Variants in VPS26A observed in about 807,000 individuals in gnomAD.
VPS26A encodes the protein VPS26 retromer complex component A, also known as vacuolar protein sorting-associated protein 26A.
Under a neutral mutation model 42.4 loss-of-function variants are expected in VPS26A, and 22 were observed. That is an observed-to-expected ratio of 0.52 (90% CI 0.37 to 0.74). VPS26A has a LOEUF of 0.74. Ranked by LOEUF, VPS26A falls within the 30% of genes least tolerant of loss-of-function variation. VPS26A has a pLI of 0.00. For synonymous variants in VPS26A, 110 were observed against 123.5 expected (o/e 0.89, Z 0.73); for missense variants, 276 against 379.2 (o/e 0.73, Z 2.26).
intron 6 of VPS26A, among the ~76,000 whole-genome samples, chr10:69,165,332 A>G (rs1252175977): frequency 1.3e-5 from 2 of 152,102 alleles, no homozygotes; most frequent in South Asian, 2.1e-4. Flanking sequence ...TATTATTATT[A>G]TTTTATTTTT....
intron 2 of VPS26A, among the ~76,000 whole-genome samples, chr10:69,138,321 GA>G (rs1164534099): frequency 4.6e-5 from 7 of 152,274 alleles, no homozygotes; most frequent in African/African-American, 1.7e-4. Context: ...GACTAATGCT[GA>G]TGTGAACATT....
At chr10:69,139,254 T>C (rs1416043156) in intron 2 of VPS26A, among the ~76,000 whole-genome samples, 1 of 152,168 alleles carries the variant, frequency 6.6e-6, no homozygotes, top group African/African-American at 2.4e-5. Flanking sequence ...AAAGTTAGTT[T>C]TTCTGAATAA....
intron 1 of VPS26A, 127 bp downstream of exon 1, chr10:69,124,407 G>T: frequency 2.9e-6 from 3 of 1,045,914 alleles, no homozygotes; most frequent in Non-Finnish European, 3.7e-6. Flanking sequence ...GCGGGGTTAG[G>T]CCTGTCGGGC....
At chr10:69,136,811 A>G (rs12259735) in intron 2 of VPS26A, among the ~76,000 whole-genome samples, 8,729 of 143,150 alleles carry the variant, frequency 0.061, 291 homozygotes, top group South Asian at 0.13. Flanking sequence ...ATTTATTTTG[A>G]GATGGAGTCT....
In VPS26A at chr10:69,171,658, AC is replaced by A. The variant is rs1440502639; in HGVS notation, c.*391del. 6.3e-6 allele frequency: 1 copy of A among 157,874 alleles called. No homozygotes were observed. The highest frequency in any genetic ancestry group is 2.4e-5 in the African/African-American group (1 of 41,486). The allele number at this position is 157,874 out of a possible 1,614,324, so 9.8% of individuals were successfully genotyped here. On this transcript the variant is annotated 3_prime_UTR_variant, in exon 9 of 9. Coordinates refer to ENST00000263559, the MANE Select transcript of VPS26A (RefSeq NM_004896.5). The stretch of plus-strand genomic sequence containing the variant: ...ATCCTCTCTTTTCAGGCTAATGATT[AC>A]CTCTTATTCTCTACATGCAAAAAAT...
chr10:69,164,932 GTTT>G (rs71487441), intron 6 of VPS26A, among the ~76,000 whole-genome samples: 1 of 141,372 alleles, frequency 7.1e-6, no homozygotes. Context: ...ATTGTTGGGT[GTTT>G]TTTTTTTTTT....
chr10:69,128,610 A>G (rs907411123), intron 1 of VPS26A, among the ~76,000 whole-genome samples: 4 of 152,094 alleles, frequency 2.6e-5, no homozygotes, highest in Non-Finnish European at 5.9e-5. Flanking sequence ...AAAAGTTATA[A>G]TATTTCCTTT....
intron 2 of VPS26A, among the ~76,000 whole-genome samples, chr10:69,154,531 C>T (rs996322757): frequency 4.6e-5 from 7 of 151,226 alleles, no homozygotes; most frequent in African/African-American, 1.5e-4. Flanking sequence ...AGCGAAACTC[C>T]GTCTAAAACA....
chr10:69,145,497 A>G (rs951073391), intron 2 of VPS26A, among the ~76,000 whole-genome samples: 1 of 152,158 alleles, frequency 6.6e-6, no homozygotes, highest in Non-Finnish European at 1.5e-5. Context: ...TTTCCACTGC[A>G]CTGTCATACC....
At chr10:69,135,324 T>A (rs982813131) in intron 2 of VPS26A, among the ~76,000 whole-genome samples, 1 of 152,230 alleles carries the variant, frequency 6.6e-6, no homozygotes, top group Non-Finnish European at 1.5e-5. Context: ...TTTAAAGTAA[T>A]CTTATGTCAC....
At chr10:69,133,128 T>G in intron 2 of VPS26A, 81 bp downstream of exon 2, 3 of 1,408,494 alleles carry the variant, frequency 2.1e-6, no homozygotes, top group Non-Finnish European at 2.9e-6. Flanking sequence ...GTTTCTTAAA[T>G]TTGAATAATT....
In VPS26A at chr10:69,158,033, T is replaced by C; in HGVS notation, c.387-14T>C. On this transcript the variant is annotated splice_polypyrimidine_tract_variant and intron_variant, in intron 4 of 8. Coordinates refer to ENST00000263559, the MANE Select transcript of VPS26A (RefSeq NM_004896.5). ...CAGGTGATTTAACTCATCGACTCTC[T>C]TTTAACTTTGTAGGTATTTTCTTAA... The C allele has an allele frequency of 6.3e-7, 1 of 1,585,348 alleles. No individual in the cohort carries two copies. Among genetic ancestry groups the C allele is most frequent in the African/African-American group, 1.4e-5 (1 of 73,470 alleles).
chr10:69,124,610 A>G (rs1317844925), intron 1 of VPS26A, among the ~76,000 whole-genome samples: 1 of 152,012 alleles, frequency 6.6e-6, no homozygotes, highest in Non-Finnish European at 1.5e-5. Context: ...TCCCCTTCCT[A>G]GGTAGCCAGT....
intron 4 of VPS26A, 48 bp from the exon 5 acceptor site, chr10:69,157,999 A>G: frequency 6.7e-7 from 1 of 1,481,496 alleles, no homozygotes; most frequent in African/African-American, 1.4e-5. Flanking sequence ...AAAACATGAA[A>G]ATTTATCACA....
At chr10:69,149,858 A>G (rs920469452) in intron 2 of VPS26A, among the ~76,000 whole-genome samples, 17 of 143,078 alleles carry the variant, frequency 1.2e-4, no homozygotes, top group African/African-American at 4.3e-4. Flanking sequence ...GTGATTCTCT[A>G]GCCTCAGCTT....
intron 7 of VPS26A, among the ~76,000 whole-genome samples, chr10:69,166,862 C>T (rs955404857): frequency 2.0e-5 from 3 of 152,172 alleles, no homozygotes; most frequent in South Asian, 2.1e-4. Flanking sequence ...TGTGGTGGCT[C>T]ATGCCTGTAA....
At chr10:69,151,699 G>T (rs1477452971) in intron 2 of VPS26A, among the ~76,000 whole-genome samples, 1 of 152,142 alleles carries the variant, frequency 6.6e-6, no homozygotes, top group Non-Finnish European at 1.5e-5. Context: ...CTTTGCATTT[G>T]TACTTTAATA....
At chr10:69,132,797 T>G (rs896334921) in intron 1 of VPS26A, 101 bp from the exon 2 acceptor site, 2 of 1,161,406 alleles carry the variant, frequency 1.7e-6, no homozygotes, top group African/African-American at 1.6e-5. Context: ...CTCACAGATT[T>G]GCAGTCTATT....
chr10:69,133,100 A>G, intron 2 of VPS26A, 53 bp downstream of exon 2: 2 of 1,564,882 alleles, frequency 1.3e-6, no homozygotes, highest in East Asian at 2.3e-5. Context: ...AGAATTAGTT[A>G]TCAAAGTGGT....
Sources: allele counts gnomAD v4.1 joint callset (sites outside exome capture counted in the v4.1 genomes callset), GRCh38; gene constraint gnomAD v4.1.1; transcripts MANE v1.5; gene names NCBI Gene and HGNC (gene_info 2026-07-23, HGNC 2026-07-21).